The following ESPNL variants were observed in gnomAD, a reference collection of about 807,000 sequenced individuals.
ESPNL encodes the protein espin-like protein.
ESPNL carries 49 observed loss-of-function variants against 46.8 expected under a neutral mutation model. The observed-to-expected ratio is 1.05, with a 90% CI of 0.83 to 1.33. ESPNL has a LOEUF of 1.33. Ranked by LOEUF, ESPNL falls within the 40% of genes most tolerant of loss-of-function variation. ESPNL has a pLI of 0.00. For synonymous variants in ESPNL, 664 were observed against 662.1 expected (o/e 1.00, Z -0.04); for missense variants, 1,540 against 1,436.6 (o/e 1.07, Z -1.16).
chr2:238,118,860 A>G (rs1160212245), intron 5 of ESPNL, among the ~76,000 whole-genome samples: 33 of 128,092 alleles, frequency 2.6e-4, no homozygotes, highest in Non-Finnish European at 3.0e-4. Flanking sequence ...GGTGGATGGA[A>G]GAGGACGGAT....
intron 4 of ESPNL, among the ~76,000 whole-genome samples, chr2:238,111,683 G>C (rs1032826635): frequency 4.6e-5 from 7 of 152,116 alleles, no homozygotes; most frequent in African/African-American, 1.7e-4. Context: ...CTAGTCATCT[G>C]CTAATGGACA....
At position 238,131,151 on chromosome 2, in the gene ESPNL, G is replaced by A. The variant is rs1692320104; in HGVS notation, c.2437G>A (p.Ala813Thr). The A allele has an allele frequency of 6.5e-7, 1 of 1,546,142 alleles. No individual in the cohort carries two copies. The highest frequency in any genetic ancestry group is 8.7e-7 in the Non-Finnish European group (1 of 1,147,100). Residue 813 changes from alanine (A) to threonine (T), a missense_variant, in exon 9 of 9, where the codon GCC becomes ACC. Physicochemically the swap from Ala to Thr is moderately conservative, Grantham distance 58. Coordinates refer to ENST00000343063, the MANE Select transcript of ESPNL (RefSeq NM_194312.4). The part of the protein sequence containing the change: ...TITHLLGNWK[A>T]IMAHVPARQL... ...CACCCACCTGCTGGGCAACTGGAAG[G>A]CCATCATGGCTCACGTGCCCGCCCG...
chr2:238,118,344 AG>A (rs1691869126), intron 5 of ESPNL, among the ~76,000 whole-genome samples: 1 of 101,106 alleles, frequency 9.9e-6, no homozygotes, highest in Non-Finnish European at 2.0e-5. Context: ...TGGATGGAGG[AG>A]GAATGGATGG....
intron 6 of ESPNL, among the ~76,000 whole-genome samples, chr2:238,126,827 CTG>C (rs907582105): frequency 1.4e-5 from 2 of 146,224 alleles, no homozygotes; most frequent in African/African-American, 5.1e-5. Flanking sequence ...GTGTGTTTCT[CTG>C]TGTGTGACTG....
chr2:238,125,305 C>A lies in ESPNL; in HGVS notation c.1023C>A (p.Phe341Leu). 1 of 1,559,152 alleles carries A rather than the reference C, an allele frequency of 6.4e-7. No individual in the cohort carries two copies. Among genetic ancestry groups the A allele is most frequent in the Non-Finnish European group, 8.7e-7 (1 of 1,152,376 alleles). ...TGATGACGCCCCCACCACCACCGTT[C>A]CCCCCACCTCCACTGTTGGCCACGA... ...PLLMTPPPPP[F>L]PPPPLLATRR... is the part of the protein sequence containing the mutation. Residue 341 changes from phenylalanine to leucine, a missense_variant, in exon 6 of 9, where the codon TTC (phenylalanine) becomes TTA (leucine). By Grantham distance (22) the Phe-to-Leu change is conservative (BLOSUM62 0). Coordinates refer to ENST00000343063, the MANE Select transcript of ESPNL (RefSeq NM_194312.4).
rs1470477376 is a variant in ESPNL at position 238,130,814 on chromosome 2, A to G, written c.2100A>G (p.Ser700=). ...CTAAGCCCCGCAGTGGCCTGGCTTC[A>G]GGGGAGCCCAGGCCTGGCGACACAG... ...ALPKPRSGLA[S]GEPRPGDTEE... The change falls in exon 9 of 9, where the codon TCA becomes TCG. Residue 700 remains serine, a synonymous_variant. Coordinates refer to ENST00000343063, the MANE Select transcript of ESPNL (RefSeq NM_194312.4). 4 of 1,543,848 alleles carry G rather than the reference A, an allele frequency of 2.6e-6. No individual in the cohort carries two copies. Among genetic ancestry groups the G allele is most frequent in the Non-Finnish European group, 3.5e-6 (4 of 1,148,142 alleles).
At chr2:238,121,287 G>A (rs1465001206) in intron 5 of ESPNL, among the ~76,000 whole-genome samples, 1 of 152,218 alleles carries the variant, frequency 6.6e-6, no homozygotes, top group African/African-American at 2.4e-5. Context: ...TCCATGCTCG[G>A]GGAGCAGAGC....
At position 238,127,378 on chromosome 2, in the gene ESPNL, C is replaced by T. The variant is rs898987381; in HGVS notation, c.1103-244C>T. On this transcript the variant is annotated intron_variant, in intron 6 of 8. Transcript: ENST00000343063. ...TCCTCCCCTGCTGCAGGAGGGGCCG[C>T]GGCGTGGCCCAGCGGTGTGCCGCAG... The T allele has an allele frequency of 1.0e-5, 13 of 1,284,944 alleles. No individual in the cohort carries two copies. In the Admixed American group the frequency reaches 1.2e-4, roughly 12 times the overall value. The allele number at this position is 1,284,944 out of a possible 1,614,324, so 79.6% of individuals were successfully genotyped here.
At chr2:238,126,923 G>GTGTGTCTGTGATTGTGTC (rs1239582677) in intron 6 of ESPNL, among the ~76,000 whole-genome samples, 2 of 118,664 alleles carry the variant, frequency 1.7e-5, no homozygotes, top group Admixed American at 8.3e-5. Context: ...GATCGTGTCT[G>GTGTGTCTGTGATTGTGTC]TGTGTCTGTG....
intron 4 of ESPNL, among the ~76,000 whole-genome samples, chr2:238,108,804 C>G (rs1691656566): frequency 6.6e-6 from 1 of 152,220 alleles, no homozygotes; most frequent in East Asian, 1.9e-4. Context: ...CAAGGTCTTC[C>G]TGGGGCCCCG....
intron 2 of ESPNL, among the ~76,000 whole-genome samples, chr2:238,103,932 G>A (rs1355156788): frequency 6.6e-6 from 1 of 152,168 alleles, no homozygotes; most frequent in African/African-American, 2.4e-5. Context: ...TCAAACCCAG[G>A]TGCAAGTCCC....
chr2:238,128,856 G>A lies in ESPNL; in HGVS notation c.1365G>A (p.Val455=), dbSNP rs1268857808. Residue 455 remains valine (V), a synonymous_variant, in exon 8 of 9, where the codon GTG becomes GTA. Coordinates refer to ENST00000343063, the MANE Select transcript of ESPNL (RefSeq NM_194312.4). ...CAGAGTGGAAGCGGCAGGTGATGGT[G>A]CGGAAGCTGCAGGCGCGCCTGGGCG... is the stretch of plus-strand genomic sequence containing the variant. ...PIPEWKRQVM[V]RKLQARLGAE... 2.6e-6 allele frequency: 4 copies of A among 1,547,890 alleles called. No homozygotes were observed. Among genetic ancestry groups the A allele is most frequent in the South Asian group, 1.2e-5 (1 of 84,002 alleles).
intron 6 of ESPNL, 200 bp from the exon 7 acceptor site, chr2:238,127,422 C>G (rs932387391): frequency 3.9e-5 from 51 of 1,317,880 alleles, no homozygotes; most frequent in Non-Finnish European, 4.8e-5. Context: ...ATCGACCAGG[C>G]GGGGGCGGGC....
At chr2:238,108,388 G>A (rs1006609417) in intron 4 of ESPNL, among the ~76,000 whole-genome samples, 1 of 149,426 alleles carries the variant, frequency 6.7e-6, no homozygotes, top group African/African-American at 2.4e-5. Flanking sequence ...TCAAGGACAC[G>A]ACATCCAAAA....
In ESPNL at chr2:238,114,100, G is replaced by A. The variant is rs563110422; in HGVS notation, c.856-2803G>A. Among the ~76,000 whole-genome samples, 1 of 152,288 alleles carries A rather than the reference G, an allele frequency of 6.6e-6. No individual in the cohort carries two copies. Among genetic ancestry groups the A allele is most frequent in the East Asian group, 1.9e-4 (1 of 5,178 alleles). ...TCTCCTCCCTGGAGTGGATCCATCT[G>A]CTCACCTGCTTTTCCACTGCTGTGG... On this transcript the variant is annotated intron_variant, in intron 4 of 8. Transcript: ENST00000343063. The surrounding 1 kb of genome is among the most constrained non-coding windows in gnomAD (Gnocchi z 5.0).
chr2:238,104,073 G>A (rs904482803), intron 2 of ESPNL, among the ~76,000 whole-genome samples: 3 of 152,178 alleles, frequency 2.0e-5, no homozygotes, highest in Non-Finnish European at 2.9e-5. Context: ...GGGGGTGCTC[G>A]TGAGATCCCT....
chr2:238,102,324 G>A (rs1344261875), intron 2 of ESPNL, among the ~76,000 whole-genome samples, 193 bp downstream of exon 2: 2 of 152,192 alleles, frequency 1.3e-5, no homozygotes, highest in Non-Finnish European at 2.9e-5. Flanking sequence ...CCAGGCAGTG[G>A]CAGTGCCATG....
At position 238,118,639 on chromosome 2, in the gene ESPNL, G is replaced by A. The variant is rs1691886535; in HGVS notation, c.987+1605G>A. ...GGAGGAGGGTGGATGGAGGAGGAAT[G>A]GATGGAGGAGAGTGGTTGGAGGAGG... On this transcript the variant is annotated intron_variant, in intron 5 of 8. Transcript: ENST00000343063. Among the ~76,000 whole-genome samples, 2 of 144,520 alleles carry A rather than the reference G, an allele frequency of 1.4e-5. 1 individual carries two copies. Among genetic ancestry groups the A allele is most frequent in the African/African-American group, 5.2e-5 (2 of 38,508 alleles). 94.8% of individuals were successfully genotyped at this position (144,520 alleles called of 152,430 possible).
intron 5 of ESPNL, among the ~76,000 whole-genome samples, chr2:238,122,725 G>T (rs1252367426): frequency 6.6e-6 from 1 of 152,234 alleles, no homozygotes; most frequent in Non-Finnish European, 1.5e-5. Context: ...TCCCAGGCAG[G>T]GGCAGAGAGG....
Sources: allele counts gnomAD v4.1 joint callset (sites outside exome capture counted in the v4.1 genomes callset), GRCh38; gene constraint gnomAD v4.1.1; non-coding constraint Gnocchi (gnomAD v3.1); transcripts MANE v1.5; gene names NCBI Gene and HGNC (gene_info 2026-07-23, HGNC 2026-07-21).